SYNE2: variants seen among roughly 807,000 people sequenced by gnomAD.
SYNE2 encodes the protein nesprin-2.
A neutral mutation model predicts 856.3 loss-of-function variants in SYNE2; 431 were observed. That is an observed-to-expected ratio of 0.50 (90% CI 0.47 to 0.55). The LOEUF is 0.55. SYNE2 is among the 20% of genes least tolerant of loss of function. SYNE2 has a pLI of 0.00. For missense variants in SYNE2, 8,129 were observed against 8,023.2 expected, an observed-to-expected ratio of 1.01 and a Z score of -0.50; for synonymous variants, 2,923 against 2,872.3, an observed-to-expected ratio of 1.02 and a Z score of -0.56.
intron 2 of SYNE2, among the ~76,000 whole-genome samples, chr14:63,920,347 G>C (rs17101458): frequency 0.1 from 15,816 of 151,562 alleles, 940 homozygotes; most frequent in South Asian, 0.2. Context: ...CTAAAAGATG[G>C]TAGCACATGA....
In SYNE2 at chr14:63,982,917, A is replaced by T. The variant is rs2096597501; in HGVS notation, c.2001+123A>T. The stretch of plus-strand genomic sequence containing the variant: ...TGCACAGTTACGTAGCCATTACCAT[A>T]AAAAATTTAGAACATTTTTATTACT... On this transcript the variant is annotated intron_variant, in intron 17 of 115. Transcript: ENST00000555002. 9 of 1,002,482 alleles carry T rather than the reference A, an allele frequency of 9.0e-6. No individual in the cohort carries two copies. In the African/African-American group the frequency reaches 1.1e-4, roughly 13 times the overall value. The allele number at this position is 1,002,482 out of a possible 1,614,324, so 62.1% of individuals were successfully genotyped here.
At position 64,000,479 on chromosome 14, in the gene SYNE2, G is replaced by A. The variant is rs11844686; in HGVS notation, c.3481-83G>A. 425 of 1,271,892 alleles carry A rather than the reference G, an allele frequency of 3.3e-4. 2 individuals carry two copies. The African/African-American group carries it at 5.8e-3, about 17-fold the overall frequency. The allele number at this position is 1,271,892 out of a possible 1,614,324, so 78.8% of individuals were successfully genotyped here. A position where few individuals can be genotyped will look rare whatever the true frequency, so the allele number is the denominator to read the frequency against. ...AACATTGTGTTTGCTTCCACAGTTG[G>A]TGAATGTCTCATGTTTTAAGAACAG... On this transcript the variant is annotated intron_variant, in intron 27 of 115. Transcript: ENST00000555002.
intron 57 of SYNE2, chr14:64,085,011 G>C: frequency 1.4e-6 from 1 of 702,324 alleles, no homozygotes; most frequent in Non-Finnish European, 2.6e-6. Context: ...ATGGCAGCTG[G>C]CTTCCCTCAG....
chr14:64,188,892 A>G (rs1486023202), intron 98 of SYNE2, 184 bp downstream of exon 98: 1 of 727,458 alleles, frequency 1.4e-6, no homozygotes, highest in Non-Finnish European at 2.5e-6. Flanking sequence ...TTCCAGAGAG[A>G]TGGGAGTGTG....
chr14:64,147,162 G>A (rs995470276), intron 84 of SYNE2, among the ~76,000 whole-genome samples: 13 of 152,028 alleles, frequency 8.6e-5, no homozygotes, highest in Admixed American at 7.9e-4. Flanking sequence ...CATGCGTGTC[G>A]CTACATACAG....
chr14:64,163,512 C>T lies in SYNE2; in HGVS notation c.16410C>T (p.Gly5470=), dbSNP rs200393620. The T allele has an allele frequency of 1.9e-5, 30 of 1,614,140 alleles. No homozygotes were observed. In the East Asian group the frequency reaches 4.9e-4, roughly 26 times the overall value. The change falls in exon 89 of 116, where the codon GGC becomes GGT. Residue 5470 remains glycine (G), a synonymous_variant. Coordinates refer to ENST00000555002, the MANE Select transcript of SYNE2 (RefSeq NM_182914.3). ...CCAGCACCCACATGCTCCTCCCGGGCCCCCTGCACTCTCTCCAGAGGGCTG... is the reference window on the plus strand; with the variant it reads ...CCAGCACCCACATGCTCCTCCCGGGTCCCCTGCACTCTCTCCAGAGGGCTG... ...AESSTHMLLP[G]PLHSLQRAAY...
chr14:64,216,358 G>A lies in SYNE2; in HGVS notation c.19513G>A (p.Ala6505Thr). The A allele has an allele frequency of 1.2e-6, 2 of 1,614,184 alleles. No individual in the cohort carries two copies. The highest frequency in any genetic ancestry group is 1.7e-6 in the Non-Finnish European group (2 of 1,180,036). ...CAGGAATGTTCCACCTGTTCCCCCT[G>A]CGTCCAGCACCCCTTATAAACCACC... is the stretch of plus-strand genomic sequence containing the variant. ...GDRNVPPVPPASSTPYKPPYG... is the reference protein window; with the variant it reads ...GDRNVPPVPPTSSTPYKPPYG... The change falls in exon 108 of 116, where the codon GCG (alanine) becomes ACG (threonine). Residue 6505 changes from alanine (A) to threonine (T), a missense_variant. Physicochemically the swap from Ala to Thr is moderately conservative, Grantham distance 58. This residue lies in a region of SYNE2 where 5,410 missense variants were observed against 5,284.8 expected (regional missense o/e 1.02). Coordinates refer to ENST00000555002, the MANE Select transcript of SYNE2 (RefSeq NM_182914.3).
At chr14:63,861,744 C>T (rs1232325062) in intron 1 of SYNE2, among the ~76,000 whole-genome samples, 1 of 151,870 alleles carries the variant, frequency 6.6e-6, no homozygotes, top group Non-Finnish European at 1.5e-5. Context: ...CCGTGAGAGA[C>T]ACAGTGAGAC....
In SYNE2 at chr14:64,119,545, A is replaced by G; in HGVS notation, c.12959A>G (p.Lys4320Arg). The change falls in exon 67 of 116, where the codon AAA (lysine) becomes AGA (arginine). Residue 4320 changes from lysine (K) to arginine (R), a missense_variant. Physicochemically the swap from Lys to Arg is conservative, Grantham distance 26. This residue lies in a region of SYNE2 where 5,410 missense variants were observed against 5,284.8 expected (regional missense o/e 1.02). Coordinates refer to ENST00000555002, the MANE Select transcript of SYNE2 (RefSeq NM_182914.3). ...GCTGAAGCGCTTTCCCTGAAACTGAAAACAGTGAAGTGCAATTTAGAAAAA... is the reference window on the plus strand; with the variant it reads ...GCTGAAGCGCTTTCCCTGAAACTGAGAACAGTGAAGTGCAATTTAGAAAAA... ...HEAEALSLKL[K>R]TVKCNLEKVQ... 1 of 1,614,196 alleles carries G rather than the reference A, an allele frequency of 6.2e-7. No individual in the cohort carries two copies. Among genetic ancestry groups the G allele is most frequent in the Non-Finnish European group, 8.5e-7 (1 of 1,180,028 alleles).
chr14:64,077,268 T>C (rs2097471000), intron 54 of SYNE2, among the ~76,000 whole-genome samples: 1 of 152,212 alleles, frequency 6.6e-6, no homozygotes, highest in Non-Finnish European at 1.5e-5. Context: ...TGTCCTAATG[T>C]ATCTCAATGG....
intron 32 of SYNE2, among the ~76,000 whole-genome samples, chr14:64,011,493 T>A (rs1323089338): frequency 6.6e-6 from 1 of 152,190 alleles, no homozygotes; most frequent in Non-Finnish European, 1.5e-5. Context: ...TGTGTCCCAG[T>A]TCGCATAGCC....
intron 1 of SYNE2, among the ~76,000 whole-genome samples, chr14:63,811,421 A>C (rs1216603839): frequency 1.3e-5 from 2 of 151,868 alleles, no homozygotes; most frequent in South Asian, 2.1e-4. Flanking sequence ...TGCCTGGCTA[A>C]ATTTTTTTTG....
chr14:64,139,415 T>A (rs1021599274), intron 79 of SYNE2, among the ~76,000 whole-genome samples: 3 of 140,550 alleles, frequency 2.1e-5, no homozygotes, highest in Non-Finnish European at 3.1e-5. Context: ...ATTATTATTA[T>A]TTTTTTTTTT....
intron 85 of SYNE2, among the ~76,000 whole-genome samples, chr14:64,153,414 A>G (rs573928336): frequency 6.6e-6 from 1 of 152,316 alleles, no homozygotes; most frequent in African/African-American, 2.4e-5. Flanking sequence ...GGTATAATCT[A>G]TACCATCAAT....
At chr14:63,818,762 G>A (rs200807436) in intron 1 of SYNE2, among the ~76,000 whole-genome samples, 6 of 144,302 alleles carry the variant, frequency 4.2e-5, no homozygotes, top group African/African-American at 1.0e-4. Context: ...GCAGTGGCTC[G>A]ATCTCGGCTC....
chr14:63,930,154 G>T (rs1002246408), intron 2 of SYNE2, among the ~76,000 whole-genome samples: 2 of 151,916 alleles, frequency 1.3e-5, no homozygotes, highest in Non-Finnish European at 2.9e-5. Flanking sequence ...GGGCATGGTG[G>T]CATTTGCCTA....
chr14:64,126,082 C>T (rs2097942011), intron 71 of SYNE2, among the ~76,000 whole-genome samples: 1 of 152,172 alleles, frequency 6.6e-6, no homozygotes, highest in Non-Finnish European at 1.5e-5. Context: ...TCATGATTTA[C>T]CTTTTAGTTC....
intron 2 of SYNE2, among the ~76,000 whole-genome samples, chr14:63,926,507 C>T (rs1402921202): frequency 1.3e-5 from 2 of 152,198 alleles, no homozygotes; most frequent in Non-Finnish European, 2.9e-5. Flanking sequence ...CAACTACTAA[C>T]TCTGCCATTG....
chr14:64,009,797 T>C (rs1294133317), intron 31 of SYNE2, among the ~76,000 whole-genome samples, 169 bp from the exon 32 acceptor site: 2 of 152,186 alleles, frequency 1.3e-5, no homozygotes, highest in South Asian at 2.1e-4. Flanking sequence ...TTGCCAGATA[T>C]ATTGATGTGC....
Sources: gnomAD v4.1 joint callset for allele counts (sites outside exome capture counted in the v4.1 genomes callset) on GRCh38, gnomAD v4.1.1 for gene constraint, gnomAD v4.1.1 regional missense constraint, MANE v1.5 for transcripts, NCBI Gene and HGNC (gene_info 2026-07-23, HGNC 2026-07-21) for gene names.